The following XKR4 variants were observed in gnomAD, a reference collection of about 807,000 sequenced individuals.
XKR4 encodes XK related 4.
In XKR4, 12 loss-of-function variants were observed where a neutral mutation model predicts 53.9. The observed-to-expected ratio is 0.22, with a 90% CI of 0.14 to 0.36. XKR4 has a LOEUF of 0.36. Among genes scored for constraint, XKR4 ranks in the 10% least tolerant of loss-of-function variants. The probability of loss-of-function intolerance (pLI) is 1.00; values close to 1 mark genes in which losing one functional copy is unlikely to be tolerated. For synonymous variants in XKR4, 354 were observed against 362.4 expected, an observed-to-expected ratio of 0.98 and a Z score of 0.26; for missense variants, 799 against 859.5, an observed-to-expected ratio of 0.93 and a Z score of 0.88.
In XKR4 at chr8:55,541,222, A is replaced by C. The variant is rs186678396; in HGVS notation, c.*16995A>C. The C allele has an allele frequency of 2.0e-5, 3 of 152,292 alleles. No homozygotes were observed. The highest frequency in any genetic ancestry group is 2.9e-5 in the Non-Finnish European group (2 of 68,018). 9.4% of individuals were successfully genotyped at this position (152,292 alleles called of 1,614,324 possible). A position where few individuals can be genotyped will look rare whatever the true frequency, so the allele number is the denominator to read the frequency against. On this transcript the variant is annotated 3_prime_UTR_variant, in exon 3 of 3. Coordinates refer to ENST00000327381, the MANE Select transcript of XKR4 (RefSeq NM_052898.2). Reference sequence around the variant, plus strand: ...ATTTGGTGCAAAGCAATTTTCAAAAATTTGTACATGATATACACCACCCAA... The same window carrying C: ...ATTTGGTGCAAAGCAATTTTCAAAACTTTGTACATGATATACACCACCCAA...
intron 1 of XKR4, among the ~76,000 whole-genome samples, chr8:55,341,054 T>A (rs554011669): frequency 1.3e-4 from 20 of 152,252 alleles, no homozygotes; most frequent in African/African-American, 4.6e-4. Context: ...AGGATTTATG[T>A]CTAGAGAAAG....
chr8:55,289,651 A>G (rs1392377405), intron 1 of XKR4, among the ~76,000 whole-genome samples: 1 of 109,276 alleles, frequency 9.2e-6, no homozygotes, highest in Admixed American at 8.9e-5. Context: ...GAAAGAAAGG[A>G]AGGAAGGAAA....
chr8:55,205,772 A>T (rs1817638416), intron 1 of XKR4, among the ~76,000 whole-genome samples: 1 of 152,166 alleles, frequency 6.6e-6, no homozygotes, highest in Non-Finnish European at 1.5e-5. Flanking sequence ...TGTACGTCCC[A>T]TATGGTCTTA....
chr8:55,340,803 C>T (rs1171544402), intron 1 of XKR4, among the ~76,000 whole-genome samples: 1 of 152,156 alleles, frequency 6.6e-6, no homozygotes, highest in Non-Finnish European at 1.5e-5. Flanking sequence ...TGGATTTGGT[C>T]ATGCCTTTTG....
chr8:55,209,203 ATGTG>A (rs77094773), intron 1 of XKR4, among the ~76,000 whole-genome samples: 59 of 149,320 alleles, frequency 4.0e-4, no homozygotes, highest in East Asian at 1.6e-3. Flanking sequence ...CAGTGTGTTT[ATGTG>A]TGTGTGTGTG....
intron 2 of XKR4, among the ~76,000 whole-genome samples, chr8:55,495,446 G>C (rs1806328646): frequency 6.6e-6 from 1 of 152,330 alleles, no homozygotes; most frequent in Non-Finnish European, 1.5e-5. Context: ...CCCCAGCTGT[G>C]CTTCCTCACA....
chr8:55,475,580 T>A (rs928426810), intron 2 of XKR4, among the ~76,000 whole-genome samples: 1 of 54,720 alleles, frequency 1.8e-5, no homozygotes, highest in African/African-American at 1.2e-4. Flanking sequence ...CCATGCTCAC[T>A]TATTTATTTA....
At chr8:55,506,024 T>G (rs1806521327) in intron 2 of XKR4, among the ~76,000 whole-genome samples, 1 of 152,246 alleles carries the variant, frequency 6.6e-6, no homozygotes, top group Non-Finnish European at 1.5e-5. Flanking sequence ...AACATAAATG[T>G]GTGCAAATGC....
chr8:55,131,611 T>C (rs1448403318), intron 1 of XKR4, among the ~76,000 whole-genome samples: 1 of 152,194 alleles, frequency 6.6e-6, no homozygotes, highest in Non-Finnish European at 1.5e-5. Context: ...CTGAACTGAG[T>C]GGAGTTAAAT....
chr8:55,127,779 G>C (rs1425684414), intron 1 of XKR4, among the ~76,000 whole-genome samples: 1 of 133,466 alleles, frequency 7.5e-6, no homozygotes, highest in Non-Finnish European at 1.5e-5. Flanking sequence ...CCCTTCCTGT[G>C]TCCATGTGTT....
chr8:55,328,060 G>A (rs550196315), intron 1 of XKR4, among the ~76,000 whole-genome samples: 3 of 152,186 alleles, frequency 2.0e-5, no homozygotes, highest in Admixed American at 1.3e-4. Context: ...TAAAGAAAGA[G>A]GGGAAATGCC....
At chr8:55,352,298 A>T (rs1803735435) in intron 1 of XKR4, among the ~76,000 whole-genome samples, 1 of 152,220 alleles carries the variant, frequency 6.6e-6, no homozygotes, top group African/African-American at 2.4e-5. Flanking sequence ...GAACCACATG[A>T]GCAAAGGCAC....
At chr8:55,131,590 A>G (rs2129353094) in intron 1 of XKR4, among the ~76,000 whole-genome samples, 1 of 152,326 alleles carries the variant, frequency 6.6e-6, no homozygotes, top group Middle Eastern at 3.4e-3. Flanking sequence ...GATGCCTCGC[A>G]TTAGCATCCC....
At chr8:55,394,988 G>A (rs1034365763) in intron 2 of XKR4, among the ~76,000 whole-genome samples, 1 of 152,062 alleles carries the variant, frequency 6.6e-6, no homozygotes, top group African/African-American at 2.4e-5. Context: ...ATGATTGAGG[G>A]AGCTAATTGT....
chr8:55,253,726 C>CTTTTCT (rs1262601393), intron 1 of XKR4, among the ~76,000 whole-genome samples: 5 of 122,852 alleles, frequency 4.1e-5, no homozygotes, highest in South Asian at 3.0e-4. Flanking sequence ...TTCATATTTT[C>CTTTTCT]TTTTCTTTTT....
intron 1 of XKR4, among the ~76,000 whole-genome samples, chr8:55,214,785 T>C (rs2129364295): frequency 6.6e-6 from 1 of 152,250 alleles, no homozygotes; most frequent in South Asian, 2.1e-4. Context: ...GGAACTACCC[T>C]CCACTTTGCT....
intron 2 of XKR4, among the ~76,000 whole-genome samples, chr8:55,500,679 C>T (rs191390064): frequency 2.1e-4 from 32 of 152,274 alleles, no homozygotes; most frequent in South Asian, 4.1e-4. Context: ...AAAGAGAAGA[C>T]GGAAACCAAC....
At chr8:55,272,466 C>A (rs561587668) in intron 1 of XKR4, among the ~76,000 whole-genome samples, 2 of 152,264 alleles carry the variant, frequency 1.3e-5, no homozygotes, top group East Asian at 1.9e-4. Flanking sequence ...TGTCACAGAG[C>A]AAATGGCAGT....
chr8:55,321,429 A>G (rs538930268), intron 1 of XKR4, among the ~76,000 whole-genome samples: 11 of 152,138 alleles, frequency 7.2e-5, no homozygotes, highest in Non-Finnish European at 1.5e-4. Flanking sequence ...CCTCCCATGA[A>G]CTACTTCATC....
Sources: gnomAD v4.1 joint callset for allele counts (sites outside exome capture counted in the v4.1 genomes callset) on GRCh38, gnomAD v4.1.1 for gene constraint, MANE v1.5 for transcripts, NCBI Gene and HGNC (gene_info 2026-07-23, HGNC 2026-07-21) for gene names.